The following JAKMIP2 variants were observed in gnomAD, a reference collection of about 807,000 sequenced individuals.
JAKMIP2 encodes janus kinase and microtubule interacting protein 2.
In JAKMIP2, 25 loss-of-function variants were observed where a neutral mutation model predicts 115.0. The ratio of observed to expected loss-of-function variants is 0.22; its 90% confidence interval spans 0.16 to 0.30. The LOEUF (loss-of-function observed/expected upper bound fraction) is 0.30, where lower values mean the gene tolerates loss of function less well. JAKMIP2 is among the 10% of genes least tolerant of loss of function. The probability of loss-of-function intolerance (pLI) is 1.00; values close to 1 mark genes in which losing one functional copy is unlikely to be tolerated. For missense variants in JAKMIP2, 642 were observed against 957.6 expected, an observed-to-expected ratio of 0.67 and a Z score of 4.35; for synonymous variants, 334 against 343.6, an observed-to-expected ratio of 0.97 and a Z score of 0.31.
At chr5:147,629,626 A>C (rs1476512499) in intron 15 of JAKMIP2, 67 bp downstream of exon 15, 1 of 1,089,636 alleles carries the variant, frequency 9.2e-7, no homozygotes, top group African/African-American at 1.5e-5. Flanking sequence ...CACATGATGC[A>C]TTGTTAAGTA....
At chr5:147,618,758 C>A (rs2126647498) in intron 18 of JAKMIP2, among the ~76,000 whole-genome samples, 1 of 152,068 alleles carries the variant, frequency 6.6e-6, no homozygotes, top group South Asian at 2.1e-4. Context: ...CAACAAAAAA[C>A]AAACAAACAA....
chr5:147,634,814 G>C (rs1000369271), intron 12 of JAKMIP2, among the ~76,000 whole-genome samples: 22 of 152,140 alleles, frequency 1.4e-4, no homozygotes, highest in Non-Finnish European at 2.5e-4. Flanking sequence ...AGGGGAGGTA[G>C]GACAAGCATC....
At chr5:147,599,558 A>G (rs1376023983) in intron 21 of JAKMIP2, among the ~76,000 whole-genome samples, 1 of 152,230 alleles carries the variant, frequency 6.6e-6, no homozygotes, top group Non-Finnish European at 1.5e-5. Flanking sequence ...ACTTTGGAGG[A>G]AAAACATCAA....
At chr5:147,707,471 A>G (rs1752623715) in intron 1 of JAKMIP2, among the ~76,000 whole-genome samples, 2 of 152,076 alleles carry the variant, frequency 1.3e-5, no homozygotes, top group African/African-American at 4.8e-5. Flanking sequence ...TGCCATCAAC[A>G]CCACACTCTG....
At chr5:147,745,541 C>T (rs974597755) in intron 1 of JAKMIP2, among the ~76,000 whole-genome samples, 17 of 152,146 alleles carry the variant, frequency 1.1e-4, no homozygotes, top group African/African-American at 4.1e-4. Flanking sequence ...CACTCCAGAC[C>T]ACCATGGAGG....
intron 1 of JAKMIP2, among the ~76,000 whole-genome samples, chr5:147,717,307 T>C (rs1664497715): frequency 7.0e-6 from 1 of 143,566 alleles, no homozygotes; most frequent in South Asian, 2.4e-4. Context: ...TCTTTTGGCT[T>C]AGGATTGACT....
intron 1 of JAKMIP2, among the ~76,000 whole-genome samples, chr5:147,702,553 GAAGAAAGA>G (rs140762384): frequency 2.1e-4 from 22 of 104,166 alleles, no homozygotes; most frequent in African/African-American, 7.2e-4. Context: ...GACAAAGAAA[GAAGAAAGA>G]AAGAAAGAAA....
At chr5:147,669,569 T>G (rs1227547497) in intron 2 of JAKMIP2, among the ~76,000 whole-genome samples, 1 of 152,196 alleles carries the variant, frequency 6.6e-6, no homozygotes, top group Non-Finnish European at 1.5e-5. Flanking sequence ...CAGTTTGTTC[T>G]CTGGAAAGCA....
intron 1 of JAKMIP2, among the ~76,000 whole-genome samples, chr5:147,678,820 T>G (rs1009744657): frequency 1.3e-5 from 2 of 151,876 alleles, no homozygotes; most frequent in East Asian, 3.9e-4. Flanking sequence ...CCATAAAAAT[T>G]GAAAATTAAA....
chr5:147,586,905 A>C lies in JAKMIP2; in HGVS notation c.*4802T>G, dbSNP rs1754897279. 1.3e-5 allele frequency: 2 copies of C among 152,034 alleles called. No individual in the cohort carries two copies. Among genetic ancestry groups the C allele is most frequent in the Admixed American group, 6.6e-5 (1 of 15,250 alleles). The allele number at this position is 152,034 out of a possible 1,614,324, so 9.4% of individuals were successfully genotyped here. A position where few individuals can be genotyped will look rare whatever the true frequency, so the allele number is the denominator to read the frequency against. On this transcript the variant is annotated 3_prime_UTR_variant, in exon 22 of 22. Coordinates refer to ENST00000616793, the MANE Select transcript of JAKMIP2 (RefSeq NM_001270941.2). ...AAGCATTGGACTTGGACTCCCAGCAAGAGATTTATTTAGGAAGAACTAAAC... is the reference window on the plus strand; with the variant it reads ...AAGCATTGGACTTGGACTCCCAGCACGAGATTTATTTAGGAAGAACTAAAC...
At chr5:147,769,452 C>T (rs1209883767) in intron 1 of JAKMIP2, among the ~76,000 whole-genome samples, 1 of 152,048 alleles carries the variant, frequency 6.6e-6, no homozygotes, top group African/African-American at 2.4e-5. Context: ...CTTGTTAGAG[C>T]TTTTCAATAA....
At chr5:147,694,840 G>T (rs969296385) in intron 1 of JAKMIP2, among the ~76,000 whole-genome samples, 3 of 152,128 alleles carry the variant, frequency 2.0e-5, no homozygotes, top group African/African-American at 7.2e-5. Flanking sequence ...GTTTTGTCAG[G>T]CATAGAAATT....
intron 1 of JAKMIP2, among the ~76,000 whole-genome samples, chr5:147,681,822 G>A (rs374029853): frequency 6.6e-6 from 1 of 151,910 alleles, no homozygotes; most frequent in Non-Finnish European, 1.5e-5. Flanking sequence ...CAGGTGGATC[G>A]CTTGAGTCCA....
chr5:147,652,168 G>C (rs769360310), intron 3 of JAKMIP2, among the ~76,000 whole-genome samples: 1 of 151,950 alleles, frequency 6.6e-6, no homozygotes, highest in Non-Finnish European at 1.5e-5. Flanking sequence ...AGGTTCAGTC[G>C]TCATCATTTT....
chr5:147,695,381 G>C (rs1432765891), intron 1 of JAKMIP2, among the ~76,000 whole-genome samples: 4 of 152,176 alleles, frequency 2.6e-5, no homozygotes, highest in Non-Finnish European at 5.9e-5. Flanking sequence ...ACTCCAGATA[G>C]ATGAGGTTTA....
At chr5:147,756,668 G>A (rs1001594324) in intron 1 of JAKMIP2, among the ~76,000 whole-genome samples, 5 of 152,124 alleles carry the variant, frequency 3.3e-5, no homozygotes, top group African/African-American at 1.2e-4. Context: ...ATGGGTAGCT[G>A]CAGATCTCTA....
intron 1 of JAKMIP2, among the ~76,000 whole-genome samples, chr5:147,757,139 C>T (rs552480770): frequency 6.6e-6 from 1 of 152,012 alleles, no homozygotes; most frequent in Non-Finnish European, 1.5e-5. Context: ...TTTACATGGT[C>T]CATACAGTGA....
chr5:147,702,631 A>AGAAGGAAAGAAAGAAAGAAAGAAAGAAG (rs1561547483), intron 1 of JAKMIP2, among the ~76,000 whole-genome samples: 1 of 127,680 alleles, frequency 7.8e-6, no homozygotes, highest in African/African-American at 3.3e-5. Context: ...AAAGAAAGAA[A>AGAAGGAAAGAAAGAAAGAAAGAAAGAAG]GAAAGAAAGA....
intron 21 of JAKMIP2, among the ~76,000 whole-genome samples, chr5:147,593,961 T>C (rs186150293): frequency 2.6e-5 from 4 of 152,238 alleles, no homozygotes; most frequent in African/African-American, 4.8e-5. Context: ...TTTCAATGTA[T>C]AGCATATCAA....
Sources: gnomAD v4.1 joint callset for allele counts (sites outside exome capture counted in the v4.1 genomes callset) on GRCh38, gnomAD v4.1.1 for gene constraint, MANE v1.5 for transcripts, NCBI Gene and HGNC (gene_info 2026-07-23, HGNC 2026-07-21) for gene names.